RBBP8: variants seen among roughly 807,000 people sequenced by gnomAD.
RBBP8 encodes the protein DNA endonuclease RBBP8.
RBBP8 carries 88 observed loss-of-function variants against 108.3 expected under a neutral mutation model. That is an observed-to-expected ratio of 0.81 (90% CI 0.68 to 0.97). The LOEUF (loss-of-function observed/expected upper bound fraction) is 0.97. RBBP8 is among the 50% of genes least tolerant of loss of function. RBBP8 has a pLI of 0.00. For missense variants in RBBP8, 1,023 were observed against 1,049.0 expected (o/e 0.98, Z 0.34); for synonymous variants, 332 against 348.2 (o/e 0.95, Z 0.52).
intron 14 of RBBP8, among the ~76,000 whole-genome samples, chr18:23,000,207 G>A (rs939170326): frequency 1.3e-5 from 2 of 152,136 alleles, no homozygotes; most frequent in Non-Finnish European, 1.5e-5. Flanking sequence ...GTTGGGAGAG[G>A]TGGTACTTAT....
At chr18:22,926,364 A>G (rs953134623) in intron 3 of RBBP8, among the ~76,000 whole-genome samples, 1 of 152,244 alleles carries the variant, frequency 6.6e-6, no homozygotes, top group African/African-American at 2.4e-5. Context: ...CGGAGGTTGC[A>G]GTGAGCCAAG....
intron 16 of RBBP8, 119 bp from the exon 17 acceptor site, chr18:23,016,709 C>T (rs2046260529): frequency 5.1e-6 from 4 of 790,206 alleles, no homozygotes; most frequent in South Asian, 3.0e-5. Context: ...AAGTATTTGA[C>T]GAAGCAATAT....
chr18:22,982,125 T>C (rs1305843934), intron 6 of RBBP8, 93 bp from the exon 7 acceptor site: 7 of 1,391,586 alleles, frequency 5.0e-6, no homozygotes, highest in African/African-American at 2.9e-5. Flanking sequence ...CCCTTAGAGC[T>C]TCATGTTTGT....
intron 2 of RBBP8, among the ~76,000 whole-genome samples, chr18:22,946,024 G>A (rs1243778577): frequency 1.3e-5 from 2 of 152,120 alleles, no homozygotes; most frequent in Non-Finnish European, 2.9e-5. Flanking sequence ...CCTTTTGTTA[G>A]GTACTTTTCC....
At chr18:22,918,462 T>C (rs1909452625) in intron 3 of RBBP8, among the ~76,000 whole-genome samples, 1 of 152,178 alleles carries the variant, frequency 6.6e-6, no homozygotes, top group Non-Finnish European at 1.5e-5. Context: ...GTGATAAGTA[T>C]TTGTGTATCT....
At chr18:22,963,747 T>C (rs1484266395) in intron 4 of RBBP8, among the ~76,000 whole-genome samples, 1 of 152,222 alleles carries the variant, frequency 6.6e-6, no homozygotes, top group Non-Finnish European at 1.5e-5. Context: ...AAAAAGTTTA[T>C]TTTAGAAAAT....
intron 2 of RBBP8, among the ~76,000 whole-genome samples, chr18:22,943,009 G>A (rs1416643661): frequency 6.6e-6 from 1 of 151,924 alleles, no homozygotes. Flanking sequence ...AAAGTTTGGG[G>A]GCTCTAATAG....
intron 12 of RBBP8, among the ~76,000 whole-genome samples, chr18:22,995,420 A>G (rs529987128): frequency 1.3e-5 from 2 of 152,108 alleles, no homozygotes; most frequent in Non-Finnish European, 2.9e-5. Flanking sequence ...ATAGTTTTTA[A>G]TTTTAAAAAA....
intron 16 of RBBP8, among the ~76,000 whole-genome samples, chr18:23,016,305 GAGGCTGAGGCGGGC>G (rs2046254344): frequency 2.0e-5 from 3 of 152,072 alleles, no homozygotes; most frequent in Non-Finnish European, 2.9e-5. Context: ...AGCACTTTGG[GAGGCTGAGGCGGGC>G]AGATCACCTG....
chr18:22,952,734 G>T (rs916519485), intron 4 of RBBP8, among the ~76,000 whole-genome samples: 1 of 152,142 alleles, frequency 6.6e-6, no homozygotes, highest in Non-Finnish European at 1.5e-5. Flanking sequence ...CTGTAGTGTG[G>T]TGAGGCGCTT....
chr18:22,954,541 C>T (rs1912339492), intron 4 of RBBP8, among the ~76,000 whole-genome samples: 1 of 152,230 alleles, frequency 6.6e-6, no homozygotes, highest in Non-Finnish European at 1.5e-5. Flanking sequence ...TTGCAGGGTA[C>T]AGCCCCATTC....
At chr18:22,937,617 C>T (rs997048688) in intron 2 of RBBP8, among the ~76,000 whole-genome samples, 1 of 150,942 alleles carries the variant, frequency 6.6e-6, no homozygotes, top group Non-Finnish European at 1.5e-5. Flanking sequence ...TAGTTGGGAC[C>T]ATAGGCACAC....
At chr18:22,929,996 A>T (rs1220297969), upstream of RBBP8, among the ~76,000 whole-genome samples, 1 of 152,164 alleles carries the variant, frequency 6.6e-6, no homozygotes, top group Admixed American at 6.5e-5. Context: ...CCTTCACAAC[A>T]CTCAACTACC....
At chr18:22,973,577 A>G (rs1012706314) in intron 5 of RBBP8, among the ~76,000 whole-genome samples, 14 of 152,276 alleles carry the variant, frequency 9.2e-5, no homozygotes, top group African/African-American at 3.1e-4. Context: ...TTGTCTTGTC[A>G]ATACTTTCTT....
rs201122840 is a variant in RBBP8, at chr18:22,958,538, AT to A, written c.248+8834del. On this transcript the variant is annotated intron_variant, in intron 4 of 18. Transcript: ENST00000327155. ...CCTTAGTTATTCTACTCATTCATTA[AT>A]TTTTTTTTGTTGTAGGTTTTGTTTG... is the stretch of plus-strand genomic sequence containing the variant. Among the ~76,000 whole-genome samples, 892 of 151,388 alleles carry A rather than the reference AT, an allele frequency of 5.9e-3. 10 individuals are homozygous for A. Among genetic ancestry groups the A allele is most frequent in the South Asian group, 0.028 (136 of 4,794 alleles).
chr18:22,992,642 A>G, intron 10 of RBBP8, 106 bp from the exon 11 acceptor site: 1 of 920,520 alleles, frequency 1.1e-6, no homozygotes, highest in Non-Finnish European at 1.6e-6. Flanking sequence ...AGAGAAGCCA[A>G]AAGCTGTACC....
chr18:22,915,900 T>TA (rs1405039646), intron 2 of RBBP8, among the ~76,000 whole-genome samples: 1 of 152,090 alleles, frequency 6.6e-6, no homozygotes, highest in Non-Finnish European at 1.5e-5. Flanking sequence ...ATTTCAAGCT[T>TA]AACTCTGTAT....
intron 14 of RBBP8, among the ~76,000 whole-genome samples, chr18:22,999,646 TAA>T (rs796904319): frequency 1.4e-5 from 2 of 143,692 alleles, no homozygotes; most frequent in Non-Finnish European, 1.5e-5. Context: ...GAGGTTATAT[TAA>T]AAAAAAAAAA....
At chr18:22,940,362 C>G (rs1203996053) in intron 2 of RBBP8, among the ~76,000 whole-genome samples, 3 of 147,028 alleles carry the variant, frequency 2.0e-5, no homozygotes, top group Non-Finnish European at 4.4e-5. Flanking sequence ...GCTCTGTAGC[C>G]CAGGCTGGAG....
Sources: allele counts gnomAD v4.1 joint callset (sites outside exome capture counted in the v4.1 genomes callset), GRCh38; gene constraint gnomAD v4.1.1; transcripts MANE v1.5; gene names NCBI Gene and HGNC (gene_info 2026-07-23, HGNC 2026-07-21).